Variants in MAGI1 observed in about 807,000 individuals in gnomAD.
The protein encoded by MAGI1 is membrane-associated guanylate kinase, WW and PDZ domain-containing protein 1.
In MAGI1, 58 loss-of-function variants were observed where a neutral mutation model predicts 139.9. That is an observed-to-expected ratio of 0.41 (90% CI 0.34 to 0.52). MAGI1 has a LOEUF of 0.52. MAGI1 is among the 20% of genes least tolerant of loss of function. MAGI1 has a pLI of 0.12. For missense variants in MAGI1, 1,874 were observed against 1,901.6 expected, an observed-to-expected ratio of 0.99 and a Z score of 0.27; for synonymous variants, 812 against 737.9, an observed-to-expected ratio of 1.10 and a Z score of -1.63.
intron 8 of MAGI1, among the ~76,000 whole-genome samples, chr3:65,442,286 G>A (rs1320018241): frequency 1.3e-5 from 2 of 152,048 alleles, no homozygotes; most frequent in Non-Finnish European, 2.9e-5. Flanking sequence ...TGCATCCTAG[G>A]CTAGTTCTCC....
intron 1 of MAGI1, among the ~76,000 whole-genome samples, chr3:65,695,069 G>A (rs1257111458): frequency 2.0e-5 from 3 of 152,116 alleles, no homozygotes; most frequent in Admixed American, 2.0e-4. Flanking sequence ...AAGGGAAGAA[G>A]GTCCCCAAAT....
At chr3:65,494,348 G>A (rs1315813106) in intron 2 of MAGI1, among the ~76,000 whole-genome samples, 1 of 151,834 alleles carries the variant, frequency 6.6e-6, no homozygotes, top group African/African-American at 2.4e-5. Flanking sequence ...TATGAAATAA[G>A]GCAGAGCATC....
intron 1 of MAGI1, among the ~76,000 whole-genome samples, chr3:65,950,963 GGAAGGA>G (rs2063812187): frequency 6.1e-4 from 1 of 1,644 alleles, no homozygotes; most frequent in Non-Finnish European, 1.2e-3. Flanking sequence ...AGAAAGAGAA[GGAAGGA>G]AGGAAGGAAG....
At chr3:65,398,958 T>A (rs1196627550) in intron 13 of MAGI1, among the ~76,000 whole-genome samples, 1 of 151,974 alleles carries the variant, frequency 6.6e-6, no homozygotes, top group Non-Finnish European at 1.5e-5. Context: ...GATAAGTCCT[T>A]CTGTTCTAAT....
chr3:65,905,708 G>GCA (rs1414651996), intron 1 of MAGI1, among the ~76,000 whole-genome samples: 1 of 152,100 alleles, frequency 6.6e-6, no homozygotes, highest in Non-Finnish European at 1.5e-5. Flanking sequence ...AACAGACTTT[G>GCA]CACCTCAGCT....
At chr3:65,643,383 C>G (rs971715266) in intron 1 of MAGI1, among the ~76,000 whole-genome samples, 2 of 152,170 alleles carry the variant, frequency 1.3e-5, no homozygotes, top group Non-Finnish European at 2.9e-5. Context: ...GTCTCATTTG[C>G]TATCTACGAA....
intron 2 of MAGI1, among the ~76,000 whole-genome samples, chr3:65,582,104 T>C (rs2106648022): frequency 6.6e-6 from 1 of 152,310 alleles, no homozygotes; most frequent in Middle Eastern, 3.4e-3. Flanking sequence ...AGCTCATAAA[T>C]GCATTCCAAG....
At chr3:65,486,656 G>T (rs1272810271) in intron 3 of MAGI1, among the ~76,000 whole-genome samples, 1 of 152,194 alleles carries the variant, frequency 6.6e-6, no homozygotes, top group East Asian at 1.9e-4. Context: ...GACAGAATGA[G>T]GAGCTGGTTC....
intron 1 of MAGI1, among the ~76,000 whole-genome samples, chr3:65,864,687 C>CGTA (rs141214207): frequency 0.013 from 2,029 of 152,262 alleles, 34 homozygotes; most frequent in African/African-American, 0.046. Context: ...ACTCTGCCTC[C>CGTA]GTAACTCTGC....
At chr3:65,560,966 T>C (rs1211414421) in intron 2 of MAGI1, among the ~76,000 whole-genome samples, 1 of 152,164 alleles carries the variant, frequency 6.6e-6, no homozygotes, top group African/African-American at 2.4e-5. Context: ...GATCTTTCCT[T>C]CAGTAATTCT....
intron 1 of MAGI1, among the ~76,000 whole-genome samples, chr3:65,934,773 T>G (rs566811311): frequency 1.3e-4 from 20 of 152,158 alleles, no homozygotes; most frequent in South Asian, 1.0e-3. Flanking sequence ...TTGTTGTTTT[T>G]TTTTTTTTTT....
intron 1 of MAGI1, among the ~76,000 whole-genome samples, chr3:66,010,070 T>C (rs1453771419): frequency 1.2e-5 from 1 of 81,366 alleles, no homozygotes; most frequent in African/African-American, 4.4e-5. Flanking sequence ...AGTGATACTC[T>C]CTGTCTCAAA....
At position 65,696,866 on chromosome 3, in the gene MAGI1, C is replaced by T. The variant is rs190017583; in HGVS notation, c.314-74778G>A. On this transcript the variant is annotated intron_variant, in intron 1 of 22. Transcript: ENST00000402939. ...AAGCCCAGAACACTTGCTAGAAATGCAAATTAGAGAAGAACTGAAGGAAAT... is the reference window on the plus strand; with the variant it reads ...AAGCCCAGAACACTTGCTAGAAATGTAAATTAGAGAAGAACTGAAGGAAAT... Among the ~76,000 whole-genome samples the T allele has an allele frequency of 2.3e-3, 352 of 151,752 alleles. 2 individuals are homozygous for T. Among genetic ancestry groups the T allele is most frequent in the African/African-American group, 8.2e-3 (339 of 41,330 alleles).
Position 65,364,883 on chromosome 3 carries a change from G to A in MAGI1, c.3260C>T (p.Thr1087Ile). 6.2e-7 allele frequency: 1 copy of A among 1,614,068 alleles called. No individual in the cohort carries two copies. The highest frequency in any genetic ancestry group is 8.5e-7 in the Non-Finnish European group (1 of 1,179,944). ...EKIATITTTH[T>I]PSQQGTQETR... The stretch of plus-strand genomic sequence containing the variant: ...CTCCTGGGTCCCTTGCTGAGAAGGG[G>A]TGTGTGTGGTGGTGATGGTGGCAAT... The change falls in exon 19 of 23, where the codon ACC (threonine) becomes ATC (isoleucine). Residue 1087 changes from threonine (T) to isoleucine (I), a missense_variant. Physicochemically the swap from Thr to Ile is moderately conservative, Grantham distance 89 (BLOSUM62 -1). Around this residue, in one of 5 missense-constraint regions of MAGI1, gnomAD observed 653 missense variants for 644.5 expected, o/e 1.01. Coordinates refer to ENST00000402939, the MANE Select transcript of MAGI1 (RefSeq NM_001033057.2).
At chr3:65,422,785 G>A (rs1240988718) in intron 12 of MAGI1, among the ~76,000 whole-genome samples, 3 of 152,082 alleles carry the variant, frequency 2.0e-5, no homozygotes, top group African/African-American at 4.8e-5. Context: ...CCTCCGAGCC[G>A]AGGCCTGAAA....
chr3:66,006,435 A>T (rs1443180758), intron 1 of MAGI1, among the ~76,000 whole-genome samples: 1 of 152,202 alleles, frequency 6.6e-6, no homozygotes, highest in Non-Finnish European at 1.5e-5. Context: ...ATATACACAC[A>T]TATAGGTATA....
intron 5 of MAGI1, 138 bp from the exon 6 acceptor site, chr3:65,453,478 C>G (rs1295584306): frequency 3.1e-6 from 2 of 653,322 alleles, no homozygotes; most frequent in Non-Finnish European, 5.2e-6. Context: ...AAATCCAAAC[C>G]AGAAGAGAGC....
At chr3:65,533,590 G>A (rs966262833) in intron 2 of MAGI1, among the ~76,000 whole-genome samples, 3 of 152,090 alleles carry the variant, frequency 2.0e-5, no homozygotes, top group African/African-American at 7.2e-5. Context: ...TACCATGATC[G>A]CCTCAAAATC....
chr3:65,917,218 T>C (rs931187995), intron 1 of MAGI1, among the ~76,000 whole-genome samples: 3 of 152,164 alleles, frequency 2.0e-5, no homozygotes, highest in African/African-American at 4.8e-5. Context: ...AGTAGCACTT[T>C]TGAAATTGAA....
Sources: gnomAD v4.1 joint callset for allele counts (sites outside exome capture counted in the v4.1 genomes callset) on GRCh38, gnomAD v4.1.1 for gene constraint, gnomAD v4.1.1 regional missense constraint, MANE v1.5 for transcripts, NCBI Gene and HGNC (gene_info 2026-07-23, HGNC 2026-07-21) for gene names.